SPHK2: variants seen among roughly 807,000 people sequenced by gnomAD.
SPHK2 encodes sphingosine kinase 2.
SPHK2 carries 18 observed loss-of-function variants against 32.3 expected under a neutral mutation model. The ratio of observed to expected loss-of-function variants is 0.56; its 90% CI spans 0.39 to 0.83. The LOEUF is 0.83. SPHK2 is among the 40% of genes least tolerant of loss of function. The pLI is 0.00. For synonymous variants in SPHK2, 462 were observed against 417.6 expected (o/e 1.11, Z -1.30); for missense variants, 850 against 908.7 (o/e 0.94, Z 0.83).
chr19:48,626,215 C>CGGGGCCGGCGCG lies in SPHK2; in HGVS notation c.368_379dup (p.Gly123_Gly126dup), dbSNP rs765458223. The CGGGGCCGGCGCG allele has an allele frequency of 6.3e-7, 1 of 1,594,392 alleles. No individual in the cohort carries two copies. Among genetic ancestry groups the CGGGGCCGGCGCG allele is most frequent in the South Asian group, 1.1e-5 (1 of 89,748 alleles). ...CTACTTCTGCATCTACACCTACCCT[C>CGGGGCCGGCGCG]GGGGCCGGCGCGGGGCCCGGCGCAG... On this transcript the variant is annotated inframe_insertion, in exon 3 of 7. Coordinates refer to ENST00000245222, the MANE Select transcript of SPHK2 (RefSeq NM_020126.5).
intron 2 of SPHK2, among the ~76,000 whole-genome samples, chr19:48,622,630 T>A (rs757211045): frequency 2.6e-5 from 4 of 152,180 alleles, no homozygotes; most frequent in African/African-American, 4.8e-5. Context: ...TCAGTCTTAC[T>A]GGGTTTCTGT....
rs1437903463 is a variant in SPHK2, at chr19:48,630,165, GGCCGGTCAGGGCCCGCA to G, written c.*396_*412del. The G allele has an allele frequency of 6.0e-5, 74 of 1,238,176 alleles. No homozygotes were observed. The highest frequency in any genetic ancestry group is 7.4e-5 in the Non-Finnish European group (73 of 988,502). The allele number at this position is 1,238,176 out of a possible 1,614,324, so 76.7% of individuals were successfully genotyped here. A position where few individuals can be genotyped will look rare whatever the true frequency, so the allele number is the denominator to read the frequency against. On this transcript the variant is annotated 3_prime_UTR_variant, in exon 7 of 7. Transcript: ENST00000245222. This position sits in a 1 kb window ranked among gnomAD's most constrained non-coding sequence, Gnocchi z 4.9. The stretch of plus-strand genomic sequence containing the variant: ...TGGCTGGGGTAGGCCTCAGTGAGTC[GGCCGGTCAGGGCCCGCA>G]GCCTCGCCCCATCCACTCCGGTGCC...
In SPHK2 at chr19:48,629,237, T is replaced by G. The variant is rs2030324562; in HGVS notation, c.1429T>G (p.Ser477Ala). 6.2e-7 allele frequency: 1 copy of G among 1,612,858 alleles called. No individual in the cohort carries two copies. ...PDPLLSSPPG[S>A]PKAALHSPVS... is the part of the protein sequence containing the mutation. Reference sequence around the variant, plus strand: ...CCCACTGCTGTCTTCACCTCCTGGCTCTCCCAAGGCAGCTCTACACTCACC... The same window carrying G: ...CCCACTGCTGTCTTCACCTCCTGGCGCTCCCAAGGCAGCTCTACACTCACC... Residue 477 changes from serine (S) to alanine (A), a missense_variant, in exon 7 of 7, where the codon TCT (serine) becomes GCT (alanine). This residue lies in a region of SPHK2 where 306 missense variants were observed against 268.6 expected (regional missense o/e 1.14). Coordinates refer to ENST00000245222, the MANE Select transcript of SPHK2 (RefSeq NM_020126.5).
In SPHK2 at chr19:48,625,877, CT is replaced by C. The variant is rs767156752; in HGVS notation, c.40-13del. 2,750 of 1,609,882 alleles carry C rather than the reference CT, an allele frequency of 1.7e-3. 3 individuals carry two copies. The highest frequency in any genetic ancestry group is 2.2e-3 in the Non-Finnish European group (2,583 of 1,179,542). On this transcript the variant is annotated splice_polypyrimidine_tract_variant and intron_variant, in intron 2 of 6. Coordinates refer to ENST00000245222, the MANE Select transcript of SPHK2 (RefSeq NM_020126.5). ...GTCCTGAATTCTCACCCCTTCTCTCCTCCCTTCCCACAGAGGCCAGACCAGG... is the reference window on the plus strand; with the variant it reads ...GTCCTGAATTCTCACCCCTTCTCTCCCCCTTCCCACAGAGGCCAGACCAGG...
rs2030431250 is a variant in SPHK2 at position 48,629,816 on chromosome 19, C to T, written c.*43C>T. ...ACCCGCCGGGGGCGGGGCCTACATT[C>T]CAATGGGGCGGAGCCTGAGCTAGGG... On this transcript the variant is annotated 3_prime_UTR_variant, in exon 7 of 7. Transcript: ENST00000245222. The T allele has an allele frequency of 6.6e-7, 1 of 1,521,624 alleles. No homozygotes were observed. Among genetic ancestry groups the T allele is most frequent in the Non-Finnish European group, 8.8e-7 (1 of 1,133,760 alleles). The allele number at this position is 1,521,624 out of a possible 1,614,324, so 94.3% of individuals were successfully genotyped here.
intron 3 of SPHK2, chr19:48,626,609 GT>G: frequency 2.2e-6 from 1 of 447,998 alleles, no homozygotes; most frequent in South Asian, 3.8e-5. Flanking sequence ...GAGGTCAGGA[GT>G]TCGAGACCAG....
intron 1 of SPHK2, chr19:48,619,769 C>A (rs1251610780): frequency 6.5e-6 from 1 of 153,978 alleles, no homozygotes; most frequent in Non-Finnish European, 1.4e-5. Context: ...TTCTCCTTCT[C>A]CCCCGGCCCC....
intron 2 of SPHK2, among the ~76,000 whole-genome samples, chr19:48,621,708 G>A (rs111343257): frequency 0.018 from 2,680 of 152,182 alleles, 74 homozygotes; most frequent in African/African-American, 0.062. Context: ...TAAGTATTTC[G>A]TGGGGTAGGG....
Position 48,620,428 on chromosome 19 carries a change from G to A in SPHK2, c.-87G>A, listed in dbSNP as rs757191069. On this transcript the variant is annotated 5_prime_UTR_variant, in exon 2 of 7. Coordinates refer to ENST00000245222, the MANE Select transcript of SPHK2 (RefSeq NM_020126.5). ...GCTGAAGGTCAGGCCAGGACAGTGA[G>A]ACCTGACTCCTTGCTCCTACCAGCC... is the stretch of plus-strand genomic sequence containing the variant. The A allele has an allele frequency of 4.9e-6, 6 of 1,219,690 alleles. No individual in the cohort carries two copies. Among genetic ancestry groups the A allele is most frequent in the South Asian group, 1.3e-5 (1 of 77,138 alleles). The allele number at this position is 1,219,690 out of a possible 1,614,324, so 75.6% of individuals were successfully genotyped here.
chr19:48,624,749 C>A, intron 2 of SPHK2: 1 of 235,708 alleles, frequency 4.2e-6, no homozygotes, highest in Non-Finnish European at 6.9e-6. Context: ...GTGCTTGAAC[C>A]TGATTTGAGG....
At chr19:48,620,074 G>A (rs1053995732) in intron 1 of SPHK2, among the ~76,000 whole-genome samples, 3 of 152,136 alleles carry the variant, frequency 2.0e-5, no homozygotes, top group Non-Finnish European at 4.4e-5. Flanking sequence ...ACTTCTTTGG[G>A]CCTTACTCTC....
At chr19:48,625,465 A>C (rs1974570272) in intron 2 of SPHK2, 1 of 1,202,060 alleles carries the variant, frequency 8.3e-7, no homozygotes, top group Non-Finnish European at 1.1e-6. Flanking sequence ...ATCCAATCCC[A>C]CTATCCATTC....
chr19:48,622,664 C>T (rs1183064482), intron 2 of SPHK2, among the ~76,000 whole-genome samples: 1 of 151,938 alleles, frequency 6.6e-6, no homozygotes, highest in South Asian at 2.1e-4. Context: ...CGTGTCATTC[C>T]TTGGCACATA....
Position 48,620,382 on chromosome 19 carries a change from C to T in SPHK2, c.-113-20C>T, listed in dbSNP as rs1408807267. On this transcript the variant is annotated intron_variant, in intron 1 of 6. Coordinates refer to ENST00000245222, the MANE Select transcript of SPHK2 (RefSeq NM_020126.5). The stretch of plus-strand genomic sequence containing the variant: ...GCAGTTGGCTGTCAATGCTGCTCCT[C>T]ACTTACCTCTCCTCCACAGAGCTGA... The T allele has an allele frequency of 4.5e-6, 3 of 663,490 alleles. No individual in the cohort carries two copies. Among genetic ancestry groups the T allele is most frequent in the Non-Finnish European group, 7.5e-6 (3 of 400,862 alleles). The allele number at this position is 663,490 out of a possible 1,614,324, so 41.1% of individuals were successfully genotyped here. A position where few individuals can be genotyped will look rare whatever the true frequency, so the allele number is the denominator to read the frequency against.
At chr19:48,625,043 C>A in intron 2 of SPHK2, 1 of 991,422 alleles carries the variant, frequency 1.0e-6, no homozygotes, top group Non-Finnish European at 1.2e-6. Context: ...CTGCTCCCAC[C>A]CGCTCCCTGG....
chr19:48,628,552 C>A lies in SPHK2; in HGVS notation c.873-129C>A. 8.3e-7 allele frequency: 1 copy of A among 1,201,718 alleles called. No individual in the cohort carries two copies. The highest frequency in any genetic ancestry group is 1.2e-5 in the South Asian group (1 of 81,452). 74.4% of individuals were successfully genotyped at this position (1,201,718 alleles called of 1,614,324 possible). On this transcript the variant is annotated intron_variant, in intron 6 of 6. Transcript: ENST00000245222. The surrounding 1 kb of genome is among the most constrained non-coding windows in gnomAD (Gnocchi z 5.2). ...CCCGTAAGGAGTCGCCTGGAGGTGGCCCCACGGCTGTGGTGGGCCTGGGCC... is the reference window on the plus strand; with the variant it reads ...CCCGTAAGGAGTCGCCTGGAGGTGGACCCACGGCTGTGGTGGGCCTGGGCC...
intron 2 of SPHK2, among the ~76,000 whole-genome samples, chr19:48,621,076 T>TTTTA (rs1356032255): frequency 6.6e-6 from 1 of 152,108 alleles, no homozygotes; most frequent in Non-Finnish European, 1.5e-5. Context: ...ATTTTTTTAT[T>TTTTA]TTTATTTATT....
rs1239219206 is a variant in SPHK2 at position 48,625,948 on chromosome 19, A to G, written c.97A>G (p.Arg33Gly). 3.7e-6 allele frequency: 6 copies of G among 1,612,184 alleles called. No individual in the cohort carries two copies. Among genetic ancestry groups the G allele is most frequent in the Non-Finnish European group, 5.1e-6 (6 of 1,179,514 alleles). The change falls in exon 3 of 7, where the codon AGG becomes GGG. Residue 33 changes from arginine (R) to glycine (G), a missense_variant. Transcript: ENST00000245222. The stretch of plus-strand genomic sequence containing the variant: ...CCACGGGCCTAGGAGCACCCTGGTC[A>G]GGGCTAAGGCCATGGCCCCGCCCCC... Reference protein sequence around the residue: ...WGHGPRSTLVRAKAMAPPPPP... With the variant: ...WGHGPRSTLVGAKAMAPPPPP...
rs757150650 is a variant in SPHK2, at chr19:48,620,562, C to G, written c.39+9C>G. ...AGGAGCAGCAGGACCAGGTAAGGGACCATCTAAAAGCCAAGATCCTCATAC... is the reference window on the plus strand; with the variant it reads ...AGGAGCAGCAGGACCAGGTAAGGGAGCATCTAAAAGCCAAGATCCTCATAC... On this transcript the variant is annotated intron_variant, in intron 2 of 6. Coordinates refer to ENST00000245222, the MANE Select transcript of SPHK2 (RefSeq NM_020126.5). 2.5e-6 allele frequency: 4 copies of G among 1,608,808 alleles called. No individual in the cohort carries two copies. Among genetic ancestry groups the G allele is most frequent in the African/African-American group, 1.3e-5 (1 of 74,478 alleles).
Sources: allele counts gnomAD v4.1 joint callset (sites outside exome capture counted in the v4.1 genomes callset), GRCh38; gene constraint gnomAD v4.1.1; regional missense constraint gnomAD v4.1.1; non-coding constraint Gnocchi (gnomAD v3.1); transcripts MANE v1.5; gene names NCBI Gene and HGNC (gene_info 2026-07-23, HGNC 2026-07-21).